Variants in ASIC2 observed in about 807,000 individuals in gnomAD.
The protein encoded by ASIC2 is acid sensing ion channel subunit 2.
Under a neutral mutation model 57.3 loss-of-function variants are expected in ASIC2, and 25 were observed. The ratio of observed to expected loss-of-function variants is 0.44; its 90% confidence interval spans 0.32 to 0.61. The LOEUF is 0.61. Among genes scored for constraint, ASIC2 ranks in the 20% least tolerant of loss-of-function variants. ASIC2 has a pLI of 0.06. For missense variants in ASIC2, 641 were observed against 738.1 expected (o/e 0.87, Z 1.52); for synonymous variants, 319 against 307.5 (o/e 1.04, Z -0.39).
At chr17:33,877,186 C>A (rs1048677567) in intron 1 of ASIC2, among the ~76,000 whole-genome samples, 1 of 152,194 alleles carries the variant, frequency 6.6e-6, no homozygotes, top group African/African-American at 2.4e-5. Flanking sequence ...CAGCTCCCAG[C>A]GTGAGCAACG....
chr17:33,167,179 C>G (rs1403813157), intron 1 of ASIC2, among the ~76,000 whole-genome samples: 1 of 152,158 alleles, frequency 6.6e-6, no homozygotes, highest in African/African-American at 2.4e-5. Flanking sequence ...CACCTTTGCC[C>G]TCTGCACTTC....
intron 1 of ASIC2, chr17:34,082,283 A>T (rs1909914788): frequency 6.6e-6 from 1 of 152,162 alleles, no homozygotes; most frequent in African/African-American, 2.4e-5. Flanking sequence ...ATCTCTAGGT[A>T]TTGGAATTTT....
chr17:33,847,472 A>G (rs556702378), intron 1 of ASIC2, among the ~76,000 whole-genome samples: 2 of 152,182 alleles, frequency 1.3e-5, no homozygotes, highest in East Asian at 1.9e-4. Flanking sequence ...CTCAGCAACT[A>G]ATCTCCAGGC....
chr17:34,096,114 A>G (rs982397280), intron 1 of ASIC2, among the ~76,000 whole-genome samples: 5 of 152,172 alleles, frequency 3.3e-5, no homozygotes, highest in Admixed American at 1.3e-4. Context: ...TCCAGTAATG[A>G]TTGTGCCTCG....
chr17:33,505,426 CTTTGT>C (rs1483530838), intron 1 of ASIC2, among the ~76,000 whole-genome samples: 4 of 152,078 alleles, frequency 2.6e-5, no homozygotes, highest in East Asian at 1.9e-4. Context: ...TCTTTCCATA[CTTTGT>C]TTTATCTCCA....
chr17:33,534,980 T>C lies in ASIC2; in HGVS notation c.556-422913A>G, dbSNP rs1194708179. Among the ~76,000 whole-genome samples the C allele has an allele frequency of 2.0e-5, 3 of 152,192 alleles. No homozygotes were observed. The East Asian group carries it at 5.8e-4, about 29-fold the overall frequency. On this transcript the variant is annotated intron_variant, in intron 1 of 9. Coordinates refer to the ASIC2 transcript ENST00000359872. ...GCCTTATGAGTATCATTTCCTTTGC[T>C]TTCCTTAGCAGCGCAGAAATCCTGT...
intron 1 of ASIC2, among the ~76,000 whole-genome samples, chr17:33,493,464 A>G (rs1312303945): frequency 6.6e-6 from 1 of 152,188 alleles, no homozygotes; most frequent in Non-Finnish European, 1.5e-5. Flanking sequence ...GACCGTGGGT[A>G]CTTTTTGACC....
chr17:33,797,710 C>T (rs746817567), intron 1 of ASIC2, among the ~76,000 whole-genome samples: 2 of 152,156 alleles, frequency 1.3e-5, no homozygotes, highest in Non-Finnish European at 2.9e-5. Flanking sequence ...CGTGAGTTTG[C>T]GCTTCCCTGG....
intron 1 of ASIC2, among the ~76,000 whole-genome samples, chr17:33,872,296 C>T (rs1462433109): frequency 6.6e-6 from 1 of 152,116 alleles, no homozygotes; most frequent in Non-Finnish European, 1.5e-5. Context: ...AGAGGGAAGC[C>T]AAGACCCTAC....
At chr17:33,336,457 C>T (rs2142231801) in intron 1 of ASIC2, among the ~76,000 whole-genome samples, 1 of 152,192 alleles carries the variant, frequency 6.6e-6, no homozygotes, top group African/African-American at 2.4e-5. Flanking sequence ...AATTTTGCGT[C>T]TGAGACAAGT....
intron 1 of ASIC2, among the ~76,000 whole-genome samples, chr17:33,578,615 G>C (rs753821670): frequency 6.6e-6 from 1 of 151,994 alleles, no homozygotes; most frequent in Non-Finnish European, 1.5e-5. Context: ...ATCTTTATAC[G>C]TTTGGGGTTC....
At chr17:33,775,441 C>G (rs1317351054) in intron 1 of ASIC2, among the ~76,000 whole-genome samples, 1 of 152,184 alleles carries the variant, frequency 6.6e-6, no homozygotes, top group Non-Finnish European at 1.5e-5. Flanking sequence ...TATTTCTTGA[C>G]AGCTGGAAGA....
intron 3 of ASIC2, among the ~76,000 whole-genome samples, chr17:33,032,980 C>G (rs1257292583): frequency 6.6e-6 from 1 of 151,940 alleles, no homozygotes; most frequent in East Asian, 1.9e-4. Context: ...TTTAAATATA[C>G]AATGTTGGGC....
At chr17:33,753,053 C>A (rs979082969) in intron 1 of ASIC2, among the ~76,000 whole-genome samples, 1 of 152,150 alleles carries the variant, frequency 6.6e-6, no homozygotes, top group Non-Finnish European at 1.5e-5. Flanking sequence ...ACAATGGAAG[C>A]AATCAAGATG....
chr17:33,672,010 CT>C (rs1443632010), intron 1 of ASIC2, among the ~76,000 whole-genome samples: 2 of 152,102 alleles, frequency 1.3e-5, no homozygotes, highest in South Asian at 2.1e-4. Context: ...TTTTCCCCCC[CT>C]ATTCATTTGG....
At chr17:34,099,736 AAGAAAGAAAGAAAGAAAG>A (rs1910766947) in intron 1 of ASIC2, among the ~76,000 whole-genome samples, 1 of 414 alleles carries the variant, frequency 2.4e-3, no homozygotes, top group African/African-American at 4.7e-3. Flanking sequence ...GAAAGAAGGA[AAGAAAGAAAGAAAGAAAG>A]AAAGAAAGAA....
At chr17:33,427,520 C>T (rs992433728) in intron 1 of ASIC2, among the ~76,000 whole-genome samples, 2 of 152,150 alleles carry the variant, frequency 1.3e-5, no homozygotes, top group African/African-American at 4.8e-5. Context: ...TATGGGTACA[C>T]GTTTGAGAGG....
intron 1 of ASIC2, among the ~76,000 whole-genome samples, chr17:33,592,623 G>T (rs112774468): frequency 0.013 from 2,001 of 152,356 alleles, 42 homozygotes; most frequent in African/African-American, 0.046. Flanking sequence ...TTAGCTCTGT[G>T]TACGTGGTGA....
chr17:33,985,307 G>A (rs926737224), intron 1 of ASIC2, among the ~76,000 whole-genome samples: 1 of 152,014 alleles, frequency 6.6e-6, no homozygotes, highest in African/African-American at 2.4e-5. Flanking sequence ...TCACACATAC[G>A]ACTTCTTTAG....
Sources: gnomAD v4.1 joint callset for allele counts (sites outside exome capture counted in the v4.1 genomes callset) on GRCh38, gnomAD v4.1.1 for gene constraint, MANE v1.5 for transcripts, NCBI Gene and HGNC (gene_info 2026-07-23, HGNC 2026-07-21) for gene names.